PIWIL2: variants seen among roughly 807,000 people sequenced by gnomAD.
PIWIL2 encodes the protein piwi-like protein 2.
A neutral mutation model predicts 116.5 loss-of-function variants in PIWIL2; 81 were observed. The ratio of observed to expected loss-of-function variants is 0.70; its 90% CI spans 0.58 to 0.84. The LOEUF is 0.84. Ranked by LOEUF, PIWIL2 falls within the 40% of genes least tolerant of loss-of-function variation. The pLI is 0.00. For synonymous variants in PIWIL2, 489 were observed against 429.5 expected, an observed-to-expected ratio of 1.14 and a Z score of -1.71; for missense variants, 1,272 against 1,212.3, an observed-to-expected ratio of 1.05 and a Z score of -0.73.
chr8:22,305,309 C>T lies in PIWIL2; in HGVS notation c.1455+441C>T, dbSNP rs193004879. 8.1e-3 allele frequency among the ~76,000 whole-genome samples: 1,232 copies of T among 152,210 alleles called. 7 individuals carry two copies. Among genetic ancestry groups the T allele is most frequent in the South Asian group, 0.014 (68 of 4,822 alleles). On this transcript the variant is annotated intron_variant, in intron 12 of 22. Transcript: ENST00000356766. ...CCGGGTTCACATCATTCTCCTGCCTCAGCCTCCTGAGTAGCTGGGACTACA... is the reference window on the plus strand; with the variant it reads ...CCGGGTTCACATCATTCTCCTGCCTTAGCCTCCTGAGTAGCTGGGACTACA...
At chr8:22,314,541 G>A (rs760077318) in intron 17 of PIWIL2, 112 bp downstream of exon 17, 41 of 486,624 alleles carry the variant, frequency 8.4e-5, no homozygotes, top group Non-Finnish European at 1.3e-4. Context: ...AAGCCAGTAT[G>A]TGCTGAGCCT....
intron 14 of PIWIL2, among the ~76,000 whole-genome samples, 186 bp downstream of exon 14, chr8:22,308,259 G>T (rs1487553253): frequency 6.6e-6 from 1 of 151,532 alleles, no homozygotes; most frequent in Non-Finnish European, 1.5e-5. Context: ...TCTGTGCGTG[G>T]TCATATTTTT....
At chr8:22,283,905 A>G (rs974689659) in intron 5 of PIWIL2, among the ~76,000 whole-genome samples, 3 of 152,160 alleles carry the variant, frequency 2.0e-5, no homozygotes, top group Admixed American at 2.0e-4. Flanking sequence ...TTCCTAGTTA[A>G]TGGGACTAGT....
chr8:22,302,322 C>T (rs1831069867), intron 10 of PIWIL2, among the ~76,000 whole-genome samples: 1 of 152,040 alleles, frequency 6.6e-6, no homozygotes, highest in African/African-American at 2.4e-5. Flanking sequence ...GCTGGGACTA[C>T]AGGCGCGCAC....
intron 20 of PIWIL2, among the ~76,000 whole-genome samples, chr8:22,344,206 T>C (rs35068739): frequency 0.41 from 63,053 of 151,998 alleles, 15,628 homozygotes; most frequent in East Asian, 0.82. Flanking sequence ...AAAGTGGCTG[T>C]CAAGGGTTTG....
At chr8:22,331,515 CAA>C (rs1586586075) in intron 20 of PIWIL2, among the ~76,000 whole-genome samples, 1 of 151,826 alleles carries the variant, frequency 6.6e-6, no homozygotes, top group African/African-American at 2.4e-5. Context: ...CTAAATTCTT[CAA>C]AGAGATGAAA....
chr8:22,300,516 G>A (rs1395809075), intron 10 of PIWIL2, among the ~76,000 whole-genome samples: 1 of 152,160 alleles, frequency 6.6e-6, no homozygotes, highest in Non-Finnish European at 1.5e-5. Flanking sequence ...GTCTTGGTTA[G>A]TAGATACCTG....
At chr8:22,294,294 T>C (rs536968803) in intron 10 of PIWIL2, among the ~76,000 whole-genome samples, 70 of 137,338 alleles carry the variant, frequency 5.1e-4, no homozygotes, top group African/African-American at 1.8e-3. Flanking sequence ...GCCAAGATCA[T>C]GCCATTACAC....
intron 5 of PIWIL2, among the ~76,000 whole-genome samples, chr8:22,283,918 AT>A (rs1291833356): frequency 3.3e-5 from 5 of 152,262 alleles, no homozygotes; most frequent in Admixed American, 1.3e-4. Flanking sequence ...GGACTAGTTT[AT>A]TTGGTAATGT....
intron 10 of PIWIL2, among the ~76,000 whole-genome samples, chr8:22,294,899 G>GAAAAAAAAAA (rs375806332): frequency 2.5e-5 from 2 of 79,452 alleles, no homozygotes; most frequent in Non-Finnish European, 4.2e-5. Flanking sequence ...CATCTTTACT[G>GAAAAAAAAAA]GAAAAAAAAA....
At chr8:22,323,724 C>T (rs1831660815) in intron 20 of PIWIL2, among the ~76,000 whole-genome samples, 1 of 152,182 alleles carries the variant, frequency 6.6e-6, no homozygotes. Flanking sequence ...GTCAAAGATA[C>T]TGGCACATTA....
chr8:22,283,003 AC>A, intron 4 of PIWIL2, 30 bp from the exon 5 acceptor site: 1 of 1,552,600 alleles, frequency 6.4e-7, no homozygotes, highest in Non-Finnish European at 8.9e-7. Context: ...ATTATAAAAA[AC>A]CCTGATTTGC....
chr8:22,353,183 G>C lies in PIWIL2; in HGVS notation c.2628G>C (p.Val876=). ...QNFVTPTPGT[V]VDHTITSCEW... is the part of the protein sequence containing the mutation. The stretch of plus-strand genomic sequence containing the variant: ...TTGTAACTCCCACTCCTGGAACTGT[G>C]GTAGATCATACAATAACAAGCTGTG... Residue 876 remains valine (V), a synonymous_variant, in exon 21 of 23, where the codon GTG becomes GTC. Transcript: ENST00000356766. The C allele has an allele frequency of 6.2e-7, 1 of 1,613,586 alleles. No homozygotes were observed. The highest frequency in any genetic ancestry group is 8.5e-7 in the Non-Finnish European group (1 of 1,179,592).
intron 10 of PIWIL2, among the ~76,000 whole-genome samples, chr8:22,300,161 G>A (rs1314855094): frequency 6.6e-6 from 1 of 151,926 alleles, no homozygotes; most frequent in Admixed American, 6.6e-5. Context: ...GAACTCCTGG[G>A]CCCAAGCAGT....
chr8:22,314,291 T>C, intron 16 of PIWIL2, 37 bp from the exon 17 acceptor site: 1 of 1,176,616 alleles, frequency 8.5e-7, no homozygotes, highest in Non-Finnish European at 1.2e-6. Context: ...CCCAGAGAAT[T>C]CCACAGCCTG....
chr8:22,313,125 G>T (rs868194716), intron 16 of PIWIL2, among the ~76,000 whole-genome samples: 1 of 152,188 alleles, frequency 6.6e-6, no homozygotes, highest in Non-Finnish European at 1.5e-5. Context: ...CAGTTTTCAT[G>T]TGGCATGGAT....
At chr8:22,350,960 G>A (rs1028524297) in intron 20 of PIWIL2, among the ~76,000 whole-genome samples, 13 of 152,058 alleles carry the variant, frequency 8.5e-5, no homozygotes, top group African/African-American at 3.1e-4. Context: ...GCCCTACGTG[G>A]CAAAACCCCA....
At chr8:22,277,310 C>T (rs1000595425) in intron 1 of PIWIL2, among the ~76,000 whole-genome samples, 2 of 152,162 alleles carry the variant, frequency 1.3e-5, no homozygotes, top group East Asian at 1.9e-4. Context: ...GCATGGGCCA[C>T]CATGCCCGAC....
intron 20 of PIWIL2, among the ~76,000 whole-genome samples, chr8:22,320,381 C>G (rs1206453122): frequency 6.6e-6 from 1 of 150,562 alleles, no homozygotes; most frequent in Admixed American, 6.7e-5. Flanking sequence ...AATTCAACTG[C>G]CTCAGCCTCC....
Sources: allele counts gnomAD v4.1 joint callset (sites outside exome capture counted in the v4.1 genomes callset), GRCh38; gene constraint gnomAD v4.1.1; transcripts MANE v1.5; gene names NCBI Gene and HGNC (gene_info 2026-07-23, HGNC 2026-07-21).